ZNF721: variants seen among roughly 807,000 people sequenced by gnomAD.
ZNF721 encodes the protein zinc finger protein 721.
A neutral mutation model predicts 2.4 loss-of-function variants in ZNF721; 2 were observed. The observed-to-expected ratio is 0.82, with a 90% CI of 0.34 to 2.58. The LOEUF (loss-of-function observed/expected upper bound fraction) is 2.58. ZNF721 is among the 30% of genes most tolerant of loss of function. The probability of loss-of-function intolerance (pLI) is 0.11; values close to 1 mark genes in which losing one functional copy is unlikely to be tolerated. For synonymous variants in ZNF721, 398 were observed against 381.8 expected (o/e 1.04, Z -0.50); for missense variants, 1,187 against 1,085.5 (o/e 1.09, Z -1.31).
chr4:446,025 G>A (rs576836029), intron 2 of ZNF721, among the ~76,000 whole-genome samples: 1 of 151,998 alleles, frequency 6.6e-6, no homozygotes, highest in African/African-American at 2.4e-5. Context: ...TAAAAATGAA[G>A]AAAAAGTAAA....
intron 2 of ZNF721, among the ~76,000 whole-genome samples, chr4:447,343 T>C (rs1348201083): frequency 6.6e-6 from 1 of 151,500 alleles, no homozygotes; most frequent in African/African-American, 2.4e-5. Context: ...ATAAATAAAA[T>C]AAAACAAAAA....
chr4:488,352 A>T (rs1399018353), intron 1 of ZNF721, among the ~76,000 whole-genome samples: 1 of 152,146 alleles, frequency 6.6e-6, no homozygotes, highest in African/African-American at 2.4e-5. Context: ...AGTGCCCCAC[A>T]CCACAGGAGA....
chr4:458,248 G>C (rs782286366), intron 2 of ZNF721, among the ~76,000 whole-genome samples: 1 of 152,142 alleles, frequency 6.6e-6, no homozygotes, highest in Non-Finnish European at 1.5e-5. Context: ...TCAGAAAATA[G>C]ATAGAATCCA....
chr4:461,791 T>C (rs1439812934), intron 2 of ZNF721, among the ~76,000 whole-genome samples: 3 of 152,168 alleles, frequency 2.0e-5, no homozygotes, highest in Admixed American at 6.5e-5. Context: ...GAGAATTGCA[T>C]GAACCCAGGA....
intron 2 of ZNF721, among the ~76,000 whole-genome samples, chr4:468,034 C>T (rs1003615701): frequency 1.3e-5 from 2 of 152,134 alleles, no homozygotes; most frequent in Non-Finnish European, 2.9e-5. Flanking sequence ...AATCCCAGCA[C>T]TTTGGGAGGC....
chr4:486,509 C>A (rs7684175), intron 1 of ZNF721, among the ~76,000 whole-genome samples: 27,444 of 152,072 alleles, frequency 0.18, 3,100 homozygotes, highest in Middle Eastern at 0.26. Flanking sequence ...TATAGTTGCT[C>A]CTAAATGTGG....
In ZNF721 at chr4:473,477, G is replaced by A. The variant is rs1553868076; in HGVS notation, c.-93-776C>T. Among the ~76,000 whole-genome samples, 3 of 152,166 alleles carry A rather than the reference G, an allele frequency of 2.0e-5. No individual in the cohort carries two copies. The South Asian group carries it at 6.2e-4, about 32-fold the overall frequency. On this transcript the variant is annotated intron_variant, in intron 1 of 2. Transcript: ENST00000511833. ...CAAGGGGACTGGTGGGAAAGTTGGGGCGGGCTGGTGATTCGCTTCACTTCC... is the reference window on the plus strand; with the variant it reads ...CAAGGGGACTGGTGGGAAAGTTGGGACGGGCTGGTGATTCGCTTCACTTCC...
chr4:471,354 C>T (rs1715426649), intron 2 of ZNF721, among the ~76,000 whole-genome samples: 1 of 152,076 alleles, frequency 6.6e-6, no homozygotes, highest in South Asian at 2.1e-4. Context: ...TATATATACA[C>T]AGTAGAATAT....
intron 1 of ZNF721, among the ~76,000 whole-genome samples, chr4:490,063 T>A (rs1553871263): frequency 6.6e-6 from 1 of 151,952 alleles, no homozygotes; most frequent in Non-Finnish European, 1.5e-5. Context: ...TTTCACCATG[T>A]TGGCCAGGAT....
intron 2 of ZNF721, among the ~76,000 whole-genome samples, chr4:468,581 T>C (rs960946096): frequency 1.3e-5 from 2 of 152,304 alleles, no homozygotes; most frequent in South Asian, 4.1e-4. Context: ...AAATCTAATC[T>C]TTCCAGGGCC....
chr4:492,162 CAA>C (rs141448200), intron 1 of ZNF721, among the ~76,000 whole-genome samples: 3 of 144,128 alleles, frequency 2.1e-5, no homozygotes, highest in Non-Finnish European at 3.0e-5. Context: ...GATTCCGTCT[CAA>C]AAAAAAAAAA....
rs188454118 is a variant in ZNF721, at chr4:443,978, T to C, written c.489A>G (p.Lys163=). 6 of 1,614,164 alleles carry C rather than the reference T, an allele frequency of 3.7e-6. No homozygotes were observed. The East Asian group carries it at 1.3e-4, about 36-fold the overall frequency. ...TGCCACATTCTTCACATTTGTAAGGTTTCTCTCCAGTATGAATTTTCTTGT... is the reference window on the plus strand; with the variant it reads ...TGCCACATTCTTCACATTTGTAAGGCTTCTCTCCAGTATGAATTTTCTTGT... ...NQHKKIHTGE[K]PYKCEECGKA... is the part of the protein sequence containing the mutation. Residue 163 remains lysine, a synonymous_variant, in exon 3 of 3, where the codon AAA becomes AAG. Transcript: ENST00000511833.
At chr4:446,103 TGAAG>T (rs1408435348) in intron 2 of ZNF721, among the ~76,000 whole-genome samples, 2 of 151,104 alleles carry the variant, frequency 1.3e-5, no homozygotes, top group African/African-American at 2.5e-5. Context: ...AAAAAAATGC[TGAAG>T]AAAGTGTCTT....
chr4:478,333 G>A (rs1715686647), intron 1 of ZNF721, among the ~76,000 whole-genome samples: 1 of 151,876 alleles, frequency 6.6e-6, no homozygotes, highest in Non-Finnish European at 1.5e-5. Context: ...GTATATACTC[G>A]CTGTTACTTT....
At chr4:487,742 A>G (rs1715932482) in intron 1 of ZNF721, among the ~76,000 whole-genome samples, 1 of 152,200 alleles carries the variant, frequency 6.6e-6, no homozygotes, top group South Asian at 2.1e-4. Flanking sequence ...GGGTCTGGAG[A>G]CAGGGAACTT....
At chr4:451,696 G>T (rs1714665574) in intron 2 of ZNF721, among the ~76,000 whole-genome samples, 1 of 152,150 alleles carries the variant, frequency 6.6e-6, no homozygotes, top group Non-Finnish European at 1.5e-5. Flanking sequence ...ATCCTTAAAG[G>T]TATTGTGTGT....
intron 2 of ZNF721, among the ~76,000 whole-genome samples, chr4:447,673 TTTAAAAAGAC>T: frequency 6.6e-6 from 1 of 152,240 alleles, no homozygotes; most frequent in East Asian, 1.9e-4. Flanking sequence ...GATGTAATAA[TTTAAAAAGAC>T]TGAAAAAGGA....
chr4:482,533 G>A (rs1452221856), intron 1 of ZNF721, among the ~76,000 whole-genome samples: 2 of 151,502 alleles, frequency 1.3e-5, no homozygotes, highest in Non-Finnish European at 2.9e-5. Context: ...CTCTCACTCT[G>A]TCACCCAGGT....
At chr4:452,698 C>G (rs1714712323) in intron 2 of ZNF721, among the ~76,000 whole-genome samples, 1 of 152,136 alleles carries the variant, frequency 6.6e-6, no homozygotes, top group Non-Finnish European at 1.5e-5. Flanking sequence ...GTTTTGGACC[C>G]AGAAACTGCC....
Sources: allele counts gnomAD v4.1 joint callset (sites outside exome capture counted in the v4.1 genomes callset), GRCh38; gene constraint gnomAD v4.1.1; transcripts MANE v1.5; gene names NCBI Gene and HGNC (gene_info 2026-07-23, HGNC 2026-07-21).